Variants in MMP24 observed in about 807,000 individuals in gnomAD.
MMP24 encodes matrix metalloproteinase-24.
Under a neutral mutation model 62.8 loss-of-function variants are expected in MMP24, and 25 were observed. That is an observed-to-expected ratio of 0.40 (90% CI 0.29 to 0.56). MMP24 has a LOEUF of 0.56. Ranked by LOEUF, MMP24 falls within the 20% of genes least tolerant of loss-of-function variation. MMP24 has a pLI of 0.50. For missense variants in MMP24, 634 were observed against 853.6 expected, an observed-to-expected ratio of 0.74 and a Z score of 3.21; for synonymous variants, 319 against 350.5, an observed-to-expected ratio of 0.91 and a Z score of 1.00.
At chr20:35,253,276 T>TTTTTTTTTTTTTTG (rs2060557708) in intron 3 of MMP24, among the ~76,000 whole-genome samples, 1 of 147,536 alleles carries the variant, frequency 6.8e-6, no homozygotes, top group African/African-American at 2.6e-5. Flanking sequence ...GGGACTTTTT[T>TTTTTTTTTTTTTTG]TTTTTTTTTT....
chr20:35,251,523 T>C (rs1026516455), intron 2 of MMP24, among the ~76,000 whole-genome samples: 3 of 152,166 alleles, frequency 2.0e-5, no homozygotes, highest in African/African-American at 4.8e-5. Flanking sequence ...CATTTTCACA[T>C]GTACTTCCTC....
intron 5 of MMP24, among the ~76,000 whole-genome samples, chr20:35,266,175 TAAAAAAAAAAA>T (rs35806814): frequency 1.2e-4 from 5 of 43,034 alleles, no homozygotes; most frequent in East Asian, 8.7e-4. Context: ...CCATCTCTGC[TAAAAAAAAAAA>T]AAAAAAAAAA....
rs184207643 is a variant in MMP24, at chr20:35,255,658, T to C, written c.817+904T>C. Among the ~76,000 whole-genome samples the C allele has an allele frequency of 2.6e-5, 4 of 152,316 alleles. No individual in the cohort carries two copies. The East Asian group carries it at 7.7e-4, about 29-fold the overall frequency. On this transcript the variant is annotated intron_variant, in intron 4 of 8. Transcript: ENST00000246186. ...TGCTTAGTATGTAGGCAAGTGTACA[T>C]TATTACACCCATTTTTAAGATGAAG...
rs578162031 is a variant in MMP24, at chr20:35,261,015, T to C, written c.818-2776T>C. Among the ~76,000 whole-genome samples, 3 of 152,266 alleles carry C rather than the reference T, an allele frequency of 2.0e-5. No individual in the cohort carries two copies. The East Asian group carries it at 5.8e-4, about 29-fold the overall frequency. ...GGCAGGAATGGGCCGAGCCATGCCT[T>C]AGGGCCAGAAGATAAGAGGCAGGGC... On this transcript the variant is annotated intron_variant, in intron 4 of 8. Transcript: ENST00000246186.
Position 35,242,540 on chromosome 20 carries a change from C to T in MMP24, c.247-4300C>T, listed in dbSNP as rs141978693. ...CAAAAAGGGAAACGCATTGGGTTATCCAGTGTTCCTTTTCTTATACCTTAA... is the reference window on the plus strand; with the variant it reads ...CAAAAAGGGAAACGCATTGGGTTATTCAGTGTTCCTTTTCTTATACCTTAA... On this transcript the variant is annotated intron_variant, in intron 1 of 8. Coordinates refer to ENST00000246186, the MANE Select transcript of MMP24 (RefSeq NM_006690.4). Among the ~76,000 whole-genome samples the T allele has an allele frequency of 5.8e-3, 883 of 152,194 alleles. 3 individuals are homozygous for T. The highest frequency in any genetic ancestry group is 8.7e-3 in the Non-Finnish European group (591 of 68,010).
At chr20:35,258,497 A>C (rs1401165186) in intron 4 of MMP24, among the ~76,000 whole-genome samples, 2 of 152,166 alleles carry the variant, frequency 1.3e-5, no homozygotes, top group African/African-American at 4.8e-5. Context: ...TATTTGTTGA[A>C]GAAACTGGGT....
chr20:35,266,287 G>A (rs950928528), intron 5 of MMP24, among the ~76,000 whole-genome samples: 1 of 149,640 alleles, frequency 6.7e-6, no homozygotes, highest in African/African-American at 2.5e-5. Flanking sequence ...GGGAGGCAGA[G>A]GTTGCAGTGA....
intron 8 of MMP24, chr20:35,272,064 A>G: frequency 1.7e-6 from 1 of 594,594 alleles, no homozygotes; most frequent in African/African-American, 1.9e-5. Flanking sequence ...AGACGTTGTC[A>G]TAGACTGACT....
intron 5 of MMP24, 108 bp from the exon 6 acceptor site, chr20:35,267,097 G>A: frequency 2.3e-6 from 2 of 888,292 alleles, no homozygotes; most frequent in Non-Finnish European, 1.7e-6. Flanking sequence ...GGGAACAGGA[G>A]GCTGAACTGG....
intron 5 of MMP24, among the ~76,000 whole-genome samples, chr20:35,266,654 C>G (rs2060637165): frequency 6.6e-6 from 1 of 152,204 alleles, no homozygotes; most frequent in South Asian, 2.1e-4. Flanking sequence ...AAAATGTAGT[C>G]TTCAGACCAG....
intron 1 of MMP24, among the ~76,000 whole-genome samples, chr20:35,243,002 A>AC (rs1255161480): frequency 6.6e-6 from 1 of 151,936 alleles, no homozygotes; most frequent in East Asian, 1.9e-4. Flanking sequence ...ACATGGTGAA[A>AC]CCCCATCTCT....
chr20:35,244,888 C>T (rs548936783), intron 1 of MMP24, among the ~76,000 whole-genome samples: 1 of 152,026 alleles, frequency 6.6e-6, no homozygotes, highest in South Asian at 2.1e-4. Context: ...CAGGAAAGCA[C>T]AGAAAAGAAG....
chr20:35,260,455 G>A (rs527355844), intron 4 of MMP24, among the ~76,000 whole-genome samples: 1 of 152,234 alleles, frequency 6.6e-6, no homozygotes, highest in East Asian at 1.9e-4. Context: ...GCTCCCTGTG[G>A]ACAGCCCCTG....
rs2060668567 is a variant in MMP24, at chr20:35,271,470, G to A, written c.1334-99G>A. 5 of 1,443,520 alleles carry A rather than the reference G, an allele frequency of 3.5e-6. 1 individual carries two copies. In the South Asian group the frequency reaches 6.9e-5, roughly 20 times the overall value. The allele number at this position is 1,443,520 out of a possible 1,614,324, so 89.4% of individuals were successfully genotyped here. A position where few individuals can be genotyped will look rare whatever the true frequency, so the allele number is the denominator to read the frequency against. On this transcript the variant is annotated intron_variant, in intron 7 of 8. Coordinates refer to ENST00000246186, the MANE Select transcript of MMP24 (RefSeq NM_006690.4). This position sits in a 1 kb window ranked among gnomAD's most constrained non-coding sequence, Gnocchi z 4.0. ...CCTTCCCAACTCTAACTGGGCCAAG[G>A]GGCTGAGGGCATCAGACTGTTTTCA...
intron 4 of MMP24, among the ~76,000 whole-genome samples, chr20:35,258,856 A>G (rs1230153750): frequency 1.3e-5 from 2 of 152,064 alleles, no homozygotes; most frequent in Non-Finnish European, 2.9e-5. Flanking sequence ...CTGAATCAGA[A>G]TATCTTCCCC....
intron 1 of MMP24, among the ~76,000 whole-genome samples, chr20:35,243,556 C>A (rs1209128474): frequency 6.6e-6 from 1 of 152,038 alleles, no homozygotes; most frequent in African/African-American, 2.4e-5. Flanking sequence ...GTCCTGGGCA[C>A]TGGATGATTA....
At chr20:35,252,078 C>T (rs2060550552) in intron 3 of MMP24, 57 bp downstream of exon 3, 6 of 1,406,114 alleles carry the variant, frequency 4.3e-6, no homozygotes, top group Non-Finnish European at 5.0e-6. Flanking sequence ...CTCTGTTTTT[C>T]CTGGCCTGAG....
chr20:35,275,806 G>C lies in MMP24; in HGVS notation c.*1197G>C, dbSNP rs116326534. ...TGGCCCTTGCTGACCTCGCTCACTG[G>C]GCCCATCTTCCCACACTGCTCTTAG... On this transcript the variant is annotated 3_prime_UTR_variant, in exon 9 of 9. Coordinates refer to ENST00000246186, the MANE Select transcript of MMP24 (RefSeq NM_006690.4). 4.8e-3 allele frequency: 1,874 copies of C among 391,900 alleles called. 25 individuals are homozygous for C. The highest frequency in any genetic ancestry group is 0.035 in the African/African-American group (1,688 of 48,618). The allele number at this position is 391,900 out of a possible 1,614,324, so 24.3% of individuals were successfully genotyped here.
intron 2 of MMP24, among the ~76,000 whole-genome samples, chr20:35,248,539 C>G (rs1422645290): frequency 6.6e-6 from 1 of 152,042 alleles, no homozygotes; most frequent in Non-Finnish European, 1.5e-5. Flanking sequence ...AACTCCTGAC[C>G]TCAGGTGATC....
Sources: gnomAD v4.1 joint callset for allele counts (sites outside exome capture counted in the v4.1 genomes callset) on GRCh38, gnomAD v4.1.1 for gene constraint, Gnocchi (gnomAD v3.1) non-coding constraint, MANE v1.5 for transcripts, NCBI Gene and HGNC (gene_info 2026-07-23, HGNC 2026-07-21) for gene names.